The following CCNL2 variants were observed in gnomAD, a reference collection of about 807,000 sequenced individuals.
CCNL2 encodes cyclin L2, also known as cyclin-L2.
Under a neutral mutation model 59.1 loss-of-function variants are expected in CCNL2, and 28 were observed. The observed-to-expected ratio is 0.47, with a 90% CI of 0.35 to 0.65. The LOEUF (loss-of-function observed/expected upper bound fraction) is 0.65, where lower values mean the gene tolerates loss of function less well. Among genes scored for constraint, CCNL2 ranks in the 30% least tolerant of loss-of-function variants. The probability of loss-of-function intolerance (pLI) is 0.00; values close to 1 mark genes in which losing one functional copy is unlikely to be tolerated. For synonymous variants in CCNL2, 342 were observed against 288.6 expected, an observed-to-expected ratio of 1.19 and a Z score of -1.88; for missense variants, 714 against 717.4, an observed-to-expected ratio of 1.00 and a Z score of 0.05.
At position 1,393,165 on chromosome 1, in the gene CCNL2, G is replaced by A. The variant is rs975118427; in HGVS notation, c.659+231C>T. ...GCCCACTGACTGCTCTCTTCAGGGT[G>A]GGGGACACAGGAAGTCCAGGCTTGC... On this transcript the variant is annotated intron_variant, in intron 5 of 10. Coordinates refer to ENST00000400809, the MANE Select transcript of CCNL2 (RefSeq NM_030937.6). 3 of 588,244 alleles carry A rather than the reference G, an allele frequency of 5.1e-6. No homozygotes were observed. The African/African-American group carries it at 5.6e-5, about 11-fold the overall frequency. The allele number at this position is 588,244 out of a possible 1,614,324, so 36.4% of individuals were successfully genotyped here.
chr1:1,390,290 A>G lies in CCNL2; in HGVS notation c.946T>C (p.Leu316=). 2 of 1,613,932 alleles carry G rather than the reference A, an allele frequency of 1.2e-6. No individual in the cohort carries two copies. Among genetic ancestry groups the G allele is most frequent in the South Asian group, 1.1e-5 (1 of 91,074 alleles). Residue 316 remains leucine (L), a synonymous_variant, in exon 8 of 11, where the codon TTG becomes CTG. Coordinates refer to ENST00000400809, the MANE Select transcript of CCNL2 (RefSeq NM_030937.6). The part of the protein sequence containing the change: ...EEAKAQARGL[L]PGGTQVLDGT... Reference sequence around the variant, plus strand: ...TCCAGCACCTGTGTGCCCCCAGGCAACAGGCCCCGGGCTTGGGCCTTTGCC... The same window carrying G: ...TCCAGCACCTGTGTGCCCCCAGGCAGCAGGCCCCGGGCTTGGGCCTTTGCC...
chr1:1,397,741 T>A (rs1194471649), intron 3 of CCNL2, among the ~76,000 whole-genome samples: 1 of 152,176 alleles, frequency 6.6e-6, no homozygotes. Flanking sequence ...GGCGTGCTCC[T>A]ATAGTCCCAG....
intron 6 of CCNL2, 43 bp from the exon 7 acceptor site, chr1:1,390,606 C>A (rs1569922927): frequency 8.4e-6 from 13 of 1,550,210 alleles, no homozygotes; most frequent in Non-Finnish European, 1.2e-5. Context: ...TCCTCAACTT[C>A]ACGGCCAGCA....
chr1:1,398,207 A>G (rs1645155059), intron 3 of CCNL2, 26 bp downstream of exon 3: 3 of 1,608,602 alleles, frequency 1.9e-6, no homozygotes, highest in Non-Finnish European at 2.6e-6. Flanking sequence ...CATCTATGAT[A>G]GACTAGACAG....
intron 5 of CCNL2, chr1:1,391,571 G>C (rs1644764221): frequency 5.4e-6 from 7 of 1,304,886 alleles, no homozygotes; most frequent in East Asian, 1.1e-4. Flanking sequence ...ATTTCAACAA[G>C]GGGTCTTAAA....
intron 8 of CCNL2, chr1:1,388,743 G>T: frequency 2.8e-6 from 1 of 357,370 alleles, no homozygotes. Flanking sequence ...TGCACTCCAG[G>T]CTGGGCAACA....
intron 3 of CCNL2, 123 bp downstream of exon 3, chr1:1,398,110 C>G: frequency 1.1e-6 from 1 of 907,972 alleles, no homozygotes; most frequent in Non-Finnish European, 1.7e-6. Context: ...AGACTGCGCT[C>G]ATGAATATCC....
In CCNL2 at chr1:1,398,682, AG is replaced by A; in HGVS notation, c.289-12del. ...GGTAGCCATGGCCACCTAGAGTAGAAGAAAGTTTCCGTATTTTCAAACGCAC... is the reference window on the plus strand; with the variant it reads ...GGTAGCCATGGCCACCTAGAGTAGAAAAAGTTTCCGTATTTTCAAACGCAC... On this transcript the variant is annotated splice_polypyrimidine_tract_variant and intron_variant, in intron 1 of 10. Coordinates refer to ENST00000400809, the MANE Select transcript of CCNL2 (RefSeq NM_030937.6). 3.7e-6 allele frequency: 6 copies of A among 1,600,814 alleles called. No individual in the cohort carries two copies. The highest frequency in any genetic ancestry group is 5.1e-6 in the Non-Finnish European group (6 of 1,168,962).
At chr1:1,398,426 G>C (rs970189515) in intron 2 of CCNL2, 84 bp from the exon 3 acceptor site, 1 of 1,592,456 alleles carries the variant, frequency 6.3e-7, no homozygotes, top group Non-Finnish European at 8.5e-7. Context: ...GGGCTATTCA[G>C]ACCAAAAGGG....
intron 5 of CCNL2, chr1:1,392,830 A>G: frequency 6.2e-7 from 1 of 1,610,788 alleles, no homozygotes; most frequent in Non-Finnish European, 8.5e-7. Flanking sequence ...ACAGAAAAGA[A>G]AAGTCAAAAT....
rs1644696000 is a variant in CCNL2, at chr1:1,390,320, CGATA to C, written c.912_915del (p.Ile305LysfsTer47). ...CCCCGGGCTTGGGCCTTTGCCTCTTCGATAGCGTGCTTTCTTTTTTCCACTTCAC... is the reference window on the plus strand; with the variant it reads ...CCCCGGGCTTGGGCCTTTGCCTCTTCGCGTGCTTTCTTTTTTCCACTTCAC... On this transcript the variant is annotated frameshift_variant, in exon 8 of 11. Transcript: ENST00000400809. LOFTEE classifies it high-confidence loss of function. 6.2e-7 allele frequency: 1 copy of C among 1,613,830 alleles called. No individual in the cohort carries two copies. Among genetic ancestry groups the C allele is most frequent in the Admixed American group, 1.7e-5 (1 of 59,980 alleles).
chr1:1,390,113 C>CAAAAA (rs546221507), intron 8 of CCNL2, 117 bp downstream of exon 8: 12 of 696,084 alleles, frequency 1.7e-5, no homozygotes, highest in African/African-American at 5.2e-5. Context: ...GACCCTGTCT[C>CAAAAA]AAAAAAAAAA....
In CCNL2 at chr1:1,398,627, A is replaced by G; in HGVS notation, c.333T>C (p.Tyr111=). Residue 111 remains tyrosine (Y), a synonymous_variant, in exon 2 of 11, where the codon TAT becomes TAC. Transcript: ENST00000400809. ...TGGAGTGCTTCACGAAGGACTTGGT[A>G]TAAAAGAACCGCTGGAACAACACCT... The part of the protein sequence containing the change: ...TGQVLFQRFF[Y]TKSFVKHSME... The G allele has an allele frequency of 6.2e-7, 1 of 1,614,036 alleles. No homozygotes were observed.
In CCNL2 at chr1:1,390,519, T is replaced by C. The variant is rs752980741; in HGVS notation, c.804A>G (p.Ala268=). The C allele has an allele frequency of 1.7e-5, 27 of 1,613,856 alleles. No homozygotes were observed. The South Asian group carries it at 3.0e-4, about 18-fold the overall frequency. The part of the protein sequence containing the change: ...NRPHWFLLFG[A]TEEEIQEICL... Reference sequence around the variant, plus strand: ...AGATTTCCTGAATTTCTTCTTCAGTTGCTCCAAACAAAAGAAACCAATGGG... The same window carrying C: ...AGATTTCCTGAATTTCTTCTTCAGTCGCTCCAAACAAAAGAAACCAATGGG... The change falls in exon 7 of 11, where the codon GCA becomes GCG. Residue 268 remains alanine, a synonymous_variant. Transcript: ENST00000400809.
In CCNL2 at chr1:1,399,010, C is replaced by T. The variant is rs760272580; in HGVS notation, c.288+9G>A. 1.9e-6 allele frequency: 3 copies of T among 1,589,208 alleles called. No individual in the cohort carries two copies. Among genetic ancestry groups the T allele is most frequent in the Non-Finnish European group, 2.6e-6 (3 of 1,170,374 alleles). Reference sequence around the variant, plus strand: ...TACCTGGGCCGGAGGCTCGCGGCCGCGCCCTCACCTGCGGCAGGCGGAGCA... The same window carrying T: ...TACCTGGGCCGGAGGCTCGCGGCCGTGCCCTCACCTGCGGCAGGCGGAGCA... On this transcript the variant is annotated intron_variant, in intron 1 of 10. Coordinates refer to ENST00000400809, the MANE Select transcript of CCNL2 (RefSeq NM_030937.6).
intron 3 of CCNL2, among the ~76,000 whole-genome samples, 196 bp from the exon 4 acceptor site, chr1:1,395,710 C>T (rs1474884897): frequency 6.6e-6 from 1 of 152,188 alleles, no homozygotes; most frequent in East Asian, 1.9e-4. Context: ...CCCTTCCCAA[C>T]GATCCCTCCC....
intron 8 of CCNL2, chr1:1,388,611 T>A (rs757568810): frequency 5.3e-5 from 22 of 412,874 alleles, no homozygotes; most frequent in South Asian, 2.3e-4. Context: ...AGACACACAC[T>A]CACACACAAA....
chr1:1,386,817 T>A lies in CCNL2; in HGVS notation c.*414A>T. 5.7e-6 allele frequency: 1 copy of A among 174,510 alleles called. No individual in the cohort carries two copies. The highest frequency in any genetic ancestry group is 1.2e-5 in the Non-Finnish European group (1 of 82,968). The allele number at this position is 174,510 out of a possible 1,614,324, so 10.8% of individuals were successfully genotyped here. ...AAATATGTACATAAGTACAACCTAA[T>A]ATAGGCAAAGGTTCTAAAAATCATC... On this transcript the variant is annotated 3_prime_UTR_variant, in exon 11 of 11. Transcript: ENST00000400809.
chr1:1,391,621 A>C (rs1644767341), intron 5 of CCNL2: 1 of 1,145,038 alleles, frequency 8.7e-7, no homozygotes, highest in Non-Finnish European at 1.2e-6. Flanking sequence ...AATACTGAGA[A>C]GCAACATGAT....
Sources: allele counts gnomAD v4.1 joint callset (sites outside exome capture counted in the v4.1 genomes callset), GRCh38; gene constraint gnomAD v4.1.1; transcripts MANE v1.5; gene names NCBI Gene and HGNC (gene_info 2026-07-23, HGNC 2026-07-21).